The following SH3RF3 variants were observed in gnomAD, a reference collection of about 807,000 sequenced individuals.
SH3RF3 encodes E3 ubiquitin-protein ligase SH3RF3.
SH3RF3 carries 29 observed loss-of-function variants against 66.3 expected under a neutral mutation model. That is an observed-to-expected ratio of 0.44 (90% confidence interval 0.33 to 0.60). The LOEUF is 0.60. Among genes scored for constraint, SH3RF3 ranks in the 20% least tolerant of loss-of-function variants. SH3RF3 has a pLI of 0.04. For missense variants in SH3RF3, 1,194 were observed against 1,190.9 expected, an observed-to-expected ratio of 1.00 and a Z score of -0.04; for synonymous variants, 583 against 532.0, an observed-to-expected ratio of 1.10 and a Z score of -1.32.
chr2:109,131,841 T>C (rs1172587756), intron 1 of SH3RF3, among the ~76,000 whole-genome samples: 1 of 152,232 alleles, frequency 6.6e-6, no homozygotes, highest in Admixed American at 6.5e-5. Flanking sequence ...GTTTTTGGGA[T>C]GTTTCTGGAT....
chr2:109,449,172 G>A lies in SH3RF3; in HGVS notation c.1831G>A (p.Ala611Thr). Residue 611 changes from alanine (A) to threonine (T), a missense_variant and splice_region_variant, in exon 8 of 10, where the codon GCC (alanine) becomes ACC (threonine). Transcript: ENST00000309415. ...TGTCTCTCCAACCCCGTCTCCAGCT[G>A]CCCACTCTGCAGCCCAGGCTCAGGA... ...SQARSTISTA[A>T]HSAAQAQDRP... The A allele has an allele frequency of 6.2e-7, 1 of 1,613,028 alleles. No individual in the cohort carries two copies. The highest frequency in any genetic ancestry group is 8.5e-7 in the Non-Finnish European group (1 of 1,179,590).
intron 3 of SH3RF3, among the ~76,000 whole-genome samples, chr2:109,395,551 T>A (rs1676119557): frequency 6.6e-6 from 1 of 152,194 alleles, no homozygotes; most frequent in Non-Finnish European, 1.5e-5. Flanking sequence ...CCTATCTTGG[T>A]GGAAGCTTTT....
chr2:109,150,381 T>C lies in SH3RF3; in HGVS notation c.573+20268T>C, dbSNP rs545782138. 3.3e-5 allele frequency among the ~76,000 whole-genome samples: 5 copies of C among 152,268 alleles called. No individual in the cohort carries two copies. The East Asian group carries it at 9.6e-4, about 29-fold the overall frequency. ...CAAGACCATGCTAGGGATTTTTGTCTATAACCTGATGATAGTCGAAGCCAT... is the reference window on the plus strand; with the variant it reads ...CAAGACCATGCTAGGGATTTTTGTCCATAACCTGATGATAGTCGAAGCCAT... On this transcript the variant is annotated intron_variant, in intron 1 of 9. Coordinates refer to ENST00000309415, the MANE Select transcript of SH3RF3 (RefSeq NM_001099289.3).
chr2:109,203,294 G>A (rs1574502301), intron 1 of SH3RF3, among the ~76,000 whole-genome samples: 1 of 152,330 alleles, frequency 6.6e-6, no homozygotes, highest in East Asian at 1.9e-4. Flanking sequence ...GGCTACAGGT[G>A]GCTCTCTCAG....
rs186460788 is a variant in SH3RF3 at position 109,319,581 on chromosome 2, C to T, written c.574-28093C>T. 8.4e-3 allele frequency among the ~76,000 whole-genome samples: 1,275 copies of T among 152,342 alleles called. 14 individuals carry two copies. Among genetic ancestry groups the T allele is most frequent in the East Asian group, 0.044 (227 of 5,178 alleles). On this transcript the variant is annotated intron_variant, in intron 1 of 9. Transcript: ENST00000309415. ...GGCTGAAAACAAGCCCAGTGGGGCT[C>T]GTTCCAGAACAGAAAGCCCCACACT...
intron 8 of SH3RF3, among the ~76,000 whole-genome samples, chr2:109,478,554 C>G (rs906817490): frequency 2.0e-5 from 3 of 152,182 alleles, no homozygotes; most frequent in African/African-American, 7.2e-5. Flanking sequence ...GAATTCTTCT[C>G]TATTATTTGG....
At chr2:109,140,022 G>A (rs1221558090) in intron 1 of SH3RF3, among the ~76,000 whole-genome samples, 1 of 152,210 alleles carries the variant, frequency 6.6e-6, no homozygotes, top group Non-Finnish European at 1.5e-5. Flanking sequence ...TCATGACGTT[G>A]AAACTGTGCC....
At chr2:109,336,287 A>G (rs1682419399) in intron 1 of SH3RF3, among the ~76,000 whole-genome samples, 1 of 152,232 alleles carries the variant, frequency 6.6e-6, no homozygotes, top group South Asian at 2.1e-4. Context: ...AGGTAAAATG[A>G]CAACCAAAGA....
At chr2:109,137,843 G>A (rs1361488068) in intron 1 of SH3RF3, among the ~76,000 whole-genome samples, 1 of 152,186 alleles carries the variant, frequency 6.6e-6, no homozygotes, top group Non-Finnish European at 1.5e-5. Flanking sequence ...AAGGGTCAAG[G>A]AATCCTTCAG....
In SH3RF3 at chr2:109,164,806, A is replaced by G. The variant is rs150812751; in HGVS notation, c.573+34693A>G. The stretch of plus-strand genomic sequence containing the variant: ...TGGCAAAAACTGCCACTGGCACCCT[A>G]TTGAGCCAGGAAGTGAGTTTCTAAC... On this transcript the variant is annotated intron_variant, in intron 1 of 9. Transcript: ENST00000309415. 4.1e-4 allele frequency among the ~76,000 whole-genome samples: 63 copies of G among 152,232 alleles called. 2 individuals are homozygous for G. The highest frequency in any genetic ancestry group is 1.3e-3 in the African/African-American group (52 of 41,536).
chr2:109,167,339 T>A (rs1254488725), intron 1 of SH3RF3, among the ~76,000 whole-genome samples: 1 of 152,154 alleles, frequency 6.6e-6, no homozygotes, highest in Non-Finnish European at 1.5e-5. Flanking sequence ...CACTTGCAGG[T>A]GGAACATGAA....
rs202154148 is a variant in SH3RF3 at position 109,474,969 on chromosome 2, TTTTGTTTG to T, written c.2149-15620_2149-15613del. Among the ~76,000 whole-genome samples, 6 of 152,048 alleles carry T rather than the reference TTTTGTTTG, an allele frequency of 3.9e-5. No individual in the cohort carries two copies. In the South Asian group the frequency reaches 1.2e-3, roughly 31 times the overall value. ...TTGTCTTTTGTTTTGTTTGGGTTTT[TTTTGTTTG>T]TTTGTTTGTTTGTTTTTTTGAGACG... On this transcript the variant is annotated intron_variant, in intron 8 of 9. Coordinates refer to ENST00000309415, the MANE Select transcript of SH3RF3 (RefSeq NM_001099289.3).
At chr2:109,440,752 G>C (rs1677537587) in intron 7 of SH3RF3, among the ~76,000 whole-genome samples, 1 of 152,142 alleles carries the variant, frequency 6.6e-6, no homozygotes, top group African/African-American at 2.4e-5. Flanking sequence ...AGTTTCCAGG[G>C]CAGTGACCAG....
chr2:109,254,467 C>T (rs1474433214), intron 1 of SH3RF3, among the ~76,000 whole-genome samples: 1 of 152,180 alleles, frequency 6.6e-6, no homozygotes, highest in Non-Finnish European at 1.5e-5. Context: ...TAGGGCCTGA[C>T]ACATTGCATG....
At position 109,419,589 on chromosome 2, in the gene SH3RF3, C is replaced by G. The variant is rs554845970; in HGVS notation, c.1350C>G (p.Ala450=). The G allele has an allele frequency of 6.3e-7, 1 of 1,597,760 alleles. No homozygotes were observed. Among genetic ancestry groups the G allele is most frequent in the Non-Finnish European group, 8.5e-7 (1 of 1,173,348 alleles). ...CCCCCACGGCTGTCCCACGGGCTGC[C>G]TCGGTGTCTGGAGAGCAGGGCACGC... is the stretch of plus-strand genomic sequence containing the variant. ...GSTPTAVPRA[A]SVSGEQGTPP... The change falls in exon 5 of 10, where the codon GCC becomes GCG. Residue 450 remains alanine, a synonymous_variant. Coordinates refer to ENST00000309415, the MANE Select transcript of SH3RF3 (RefSeq NM_001099289.3).
At chr2:109,152,668 C>A (rs1677251014) in intron 1 of SH3RF3, among the ~76,000 whole-genome samples, 1 of 152,124 alleles carries the variant, frequency 6.6e-6, no homozygotes, top group African/African-American at 2.4e-5. Context: ...GTAAGCATTT[C>A]ATGGTTTCAA....
intron 8 of SH3RF3, among the ~76,000 whole-genome samples, chr2:109,473,074 C>T (rs1012236535): frequency 2.0e-5 from 3 of 152,190 alleles, no homozygotes; most frequent in African/African-American, 7.2e-5. Flanking sequence ...CTTTCAGATG[C>T]GAGTCCCAAG....
intron 2 of SH3RF3, among the ~76,000 whole-genome samples, chr2:109,352,660 A>C (rs1424346222): frequency 6.6e-6 from 1 of 152,160 alleles, no homozygotes; most frequent in Non-Finnish European, 1.5e-5. Flanking sequence ...AAGTTACCCG[A>C]GAAACTCAGG....
chr2:109,347,655 T>C lies in SH3RF3; in HGVS notation c.574-19T>C. The C allele has an allele frequency of 6.2e-7, 1 of 1,611,030 alleles. No individual in the cohort carries two copies. Among genetic ancestry groups the C allele is most frequent in the African/African-American group, 1.3e-5 (1 of 74,990 alleles). ...GGAAGGGGCATGCCCGGTGACCACATGCTGTCTGTTGCTTGCAGAATCCCT... is the reference window on the plus strand; with the variant it reads ...GGAAGGGGCATGCCCGGTGACCACACGCTGTCTGTTGCTTGCAGAATCCCT... On this transcript the variant is annotated intron_variant, in intron 1 of 9. Transcript: ENST00000309415.
Sources: allele counts gnomAD v4.1 joint callset (sites outside exome capture counted in the v4.1 genomes callset), GRCh38; gene constraint gnomAD v4.1.1; transcripts MANE v1.5; gene names NCBI Gene and HGNC (gene_info 2026-07-23, HGNC 2026-07-21).